MBNL3: variants seen among roughly 807,000 people sequenced by gnomAD.
The protein encoded by MBNL3 is muscleblind-like protein 3.
A neutral mutation model predicts 24.5 loss-of-function variants in MBNL3; 6 were observed. The ratio of observed to expected loss-of-function variants is 0.25; its 90% CI spans 0.13 to 0.48. MBNL3 has a LOEUF of 0.48. MBNL3 is among the 20% of genes least tolerant of loss of function. MBNL3 has a pLI of 0.99. For synonymous variants in MBNL3, 100 were observed against 101.7 expected, an observed-to-expected ratio of 0.98 and a Z score of 0.10; for missense variants, 230 against 293.5, an observed-to-expected ratio of 0.78 and a Z score of 1.58.
intron 1 of MBNL3, among the ~76,000 whole-genome samples, chrX:132,443,588 T>C (rs1467800533): frequency 9.0e-6 from 1 of 111,630 alleles, no homozygotes; most frequent in East Asian, 2.8e-4. Flanking sequence ...CCGTGGAACA[T>C]GCTATGCTCA....
chrX:132,467,813 A>G (rs781498599), intron 1 of MBNL3, among the ~76,000 whole-genome samples: 8 of 112,396 alleles, frequency 7.1e-5, no homozygotes, highest in Non-Finnish European at 1.5e-4. Context: ...AAATGACTAT[A>G]TATCATCACT....
At chrX:132,434,211 T>G (rs921698777) in intron 2 of MBNL3, among the ~76,000 whole-genome samples, 1 of 112,147 alleles carries the variant, frequency 8.9e-6, no homozygotes, top group African/African-American at 3.2e-5. Flanking sequence ...CACACACATA[T>G]CACATCACTT....
chrX:132,418,989 G>A (rs1000618377), intron 2 of MBNL3, among the ~76,000 whole-genome samples: 1 of 112,372 alleles, frequency 8.9e-6, no homozygotes, highest in African/African-American at 3.2e-5. Context: ...GCACAGGATG[G>A]TCTAGAACTC....
At position 132,379,023 on chromosome X, in the gene MBNL3, A is replaced by G. The variant is rs1230328036; in HGVS notation, c.*643T>C. 2 of 112,117 alleles carry G rather than the reference A, an allele frequency of 1.8e-5. No homozygotes were observed. The highest frequency in any genetic ancestry group is 3.8e-5 in the Non-Finnish European group (2 of 53,168). The allele number at this position is 112,117 out of a possible 1,213,427, so 9.2% of individuals were successfully genotyped here. A position where few individuals can be genotyped will look rare whatever the true frequency, so the allele number is the denominator to read the frequency against. ...TGAGGCGTTTTAAATGTCAGTCCCA[A>G]GAAACCTACAGAAATATTCTAAAGA... On this transcript the variant is annotated 3_prime_UTR_variant, in exon 9 of 9. Transcript: ENST00000370853.
At chrX:132,382,807 A>G (rs920778533) in intron 7 of MBNL3, among the ~76,000 whole-genome samples, 5 of 112,077 alleles carry the variant, frequency 4.5e-5, no homozygotes, top group African/African-American at 1.6e-4. Context: ...CTGCATGCAA[A>G]GACATGGTAG....
In MBNL3 at chrX:132,369,391, A is replaced by G. The variant is rs899180840; in HGVS notation, c.*10275T>C. ...ACATCAATAACCACTTACTATATAT[A>G]CAGAAATATATATAATTAACATGGA... On this transcript the variant is annotated 3_prime_UTR_variant, in exon 9 of 9. Coordinates refer to ENST00000370853, the MANE Select transcript of MBNL3 (RefSeq NM_001386889.1). 1.8e-5 allele frequency: 2 copies of G among 112,139 alleles called. No individual in the cohort carries two copies. Among genetic ancestry groups the G allele is most frequent in the African/African-American group, 6.5e-5 (2 of 30,809 alleles). 9.2% of individuals were successfully genotyped at this position (112,139 alleles called of 1,213,427 possible). A position where few individuals can be genotyped will look rare whatever the true frequency, so the allele number is the denominator to read the frequency against.
chrX:132,479,766 T>C (rs1044052180), intron 1 of MBNL3, among the ~76,000 whole-genome samples: 8 of 111,405 alleles, frequency 7.2e-5, no homozygotes, highest in African/African-American at 2.6e-4. Flanking sequence ...TGGCCATCAG[T>C]GATTGCCTCT....
chrX:132,420,179 A>G (rs1341026642), intron 2 of MBNL3, among the ~76,000 whole-genome samples: 1 of 112,069 alleles, frequency 8.9e-6, no homozygotes, highest in Non-Finnish European at 1.9e-5. Context: ...CGTGGAACCC[A>G]GCAACTAGTG....
At chrX:132,405,402 C>T (rs189017987) in intron 3 of MBNL3, among the ~76,000 whole-genome samples, 1 of 111,191 alleles carries the variant, frequency 9.0e-6, no homozygotes, top group African/African-American at 3.3e-5. Context: ...TGAATAAAGT[C>T]TGGAGTTTAG....
rs781094055 is a variant in MBNL3 at position 132,485,706 on chromosome X, T to C, written c.-704+3145A>G. On this transcript the variant is annotated intron_variant, in intron 1 of 8. Transcript: ENST00000370853. ...TTATGTTTGTTTGCTGGTTGGTTAA[T>C]TGACAATTAAACAACTTGCTCCCAG... is the stretch of plus-strand genomic sequence containing the variant. Among the ~76,000 whole-genome samples the C allele has an allele frequency of 9.8e-5, 11 of 112,477 alleles. No homozygotes were observed. In the South Asian group the frequency reaches 1.8e-3, roughly 19 times the overall value.
At chrX:132,379,765 G>A (rs1164099157) in intron 8 of MBNL3, 88 bp from the exon 9 acceptor site, 46 of 737,428 alleles carry the variant, frequency 6.2e-5, no homozygotes, top group South Asian at 5.3e-4. Flanking sequence ...GGTGGGTCTT[G>A]TTCCAGTTCT....
intron 2 of MBNL3, among the ~76,000 whole-genome samples, chrX:132,415,558 G>A (rs187685896): frequency 1.0e-3 from 114 of 111,773 alleles, no homozygotes; most frequent in Non-Finnish European, 1.6e-3. Flanking sequence ...TTTGAAATTA[G>A]CGGTACAAAG....
At chrX:132,422,679 G>A (rs917160057) in intron 2 of MBNL3, among the ~76,000 whole-genome samples, 3 of 111,957 alleles carry the variant, frequency 2.7e-5, no homozygotes, top group African/African-American at 9.7e-5. Context: ...GAGGAAGGAG[G>A]AGGCATTAGA....
chrX:132,385,724 T>C (rs1215963124), intron 6 of MBNL3, among the ~76,000 whole-genome samples: 3 of 111,270 alleles, frequency 2.7e-5, no homozygotes, highest in Non-Finnish European at 5.7e-5. Context: ...AACTAAAGAC[T>C]GGTGTTTTAT....
At chrX:132,420,263 G>A (rs6529544) in intron 2 of MBNL3, among the ~76,000 whole-genome samples, 1,583 of 112,087 alleles carry the variant, frequency 0.014, 29 homozygotes, top group African/African-American at 0.048. Context: ...GATCGGGAGC[G>A]GCAATGGGTG....
rs1160127409 is a variant in MBNL3, at chrX:132,372,953, C to T, written c.*6713G>A. 2 of 110,101 alleles carry T rather than the reference C, an allele frequency of 1.8e-5. No homozygotes were observed. Among genetic ancestry groups the T allele is most frequent in the Non-Finnish European group, 3.8e-5 (2 of 52,661 alleles). 9.1% of individuals were successfully genotyped at this position (110,101 alleles called of 1,213,427 possible). A position where few individuals can be genotyped will look rare whatever the true frequency, so the allele number is the denominator to read the frequency against. On this transcript the variant is annotated 3_prime_UTR_variant, in exon 9 of 9. Transcript: ENST00000370853. ...TGAGTATTAGTGATTCTCTTACAGG[C>T]AAGAACAAGTAGAAGAGCTGGAAAC... is the stretch of plus-strand genomic sequence containing the variant.
At chrX:132,480,515 T>C (rs1397626766) in intron 1 of MBNL3, among the ~76,000 whole-genome samples, 2 of 111,848 alleles carry the variant, frequency 1.8e-5, no homozygotes, top group Non-Finnish European at 3.8e-5. Context: ...CATCGACCTA[T>C]AGGAAATGCC....
intron 1 of MBNL3, among the ~76,000 whole-genome samples, chrX:132,482,884 C>T (rs899560030): frequency 3.0e-4 from 34 of 111,621 alleles, no homozygotes; most frequent in Non-Finnish European, 6.2e-4. Context: ...CAGCTGAGGC[C>T]GCTGCTATAG....
chrX:132,472,776 T>G (rs1947246730), intron 1 of MBNL3, among the ~76,000 whole-genome samples: 1 of 112,322 alleles, frequency 8.9e-6, no homozygotes, highest in African/African-American at 3.2e-5. Context: ...TGTGTAAAAC[T>G]TGTTAAAAAT....
Sources: allele counts gnomAD v4.1 joint callset (sites outside exome capture counted in the v4.1 genomes callset), GRCh38; gene constraint gnomAD v4.1.1; transcripts MANE v1.5; gene names NCBI Gene and HGNC (gene_info 2026-07-23, HGNC 2026-07-21).